Variants in MTAP observed in about 807,000 individuals in gnomAD.
MTAP encodes the protein S-methyl-5'-thioadenosine phosphorylase.
Under a neutral mutation model 33.6 loss-of-function variants are expected in MTAP, and 33 were observed. The ratio of observed to expected loss-of-function variants is 0.98; its 90% CI spans 0.74 to 1.31. The LOEUF is 1.31. Among genes scored for constraint, MTAP ranks in the 40% most tolerant of loss-of-function variants. The pLI is 0.00. For synonymous variants in MTAP, 148 were observed against 125.7 expected (o/e 1.18, Z -1.19); for missense variants, 367 against 360.0 (o/e 1.02, Z -0.16).
exon 8 of MTAP, chr9:21,936,663 G>T (rs1057210345): frequency 6.6e-6 from 1 of 151,896 alleles, no homozygotes; most frequent in Non-Finnish European, 1.5e-5. Flanking sequence ...ATTATAAAAT[G>T]GTATATTTAT....
intron 1 of MTAP, among the ~76,000 whole-genome samples, chr9:21,915,010 TCCTTCCTTCCTTCCTTCCTTCCTTCCTTC>T (rs1818655799): frequency 2.0e-4 from 15 of 74,458 alleles, no homozygotes; most frequent in African/African-American, 1.1e-3. Flanking sequence ...TTTCCTTCCT[TCCTTCCTTCCTTCCTTCCTTCCTTCCTTC>T]CTTCCTTCCT....
intron 1 of MTAP, chr9:21,892,583 A>G (rs1419403847): frequency 6.6e-6 from 1 of 152,250 alleles, no homozygotes; most frequent in African/African-American, 2.4e-5. Context: ...TCCTAAATAT[A>G]TATGCAGCCA....
chr9:21,824,958 T>C (rs1286372692), intron 4 of MTAP, among the ~76,000 whole-genome samples: 3 of 152,084 alleles, frequency 2.0e-5, no homozygotes, highest in African/African-American at 7.2e-5. Flanking sequence ...AAAAGCACAG[T>C]ATTAGGGTGG....
intron 1 of MTAP, among the ~76,000 whole-genome samples, chr9:21,888,016 TA>T (rs1226672426): frequency 2.6e-5 from 4 of 152,208 alleles, no homozygotes; most frequent in African/African-American, 9.6e-5. Context: ...TTGTCAGATC[TA>T]GGAGCTTTTT....
At chr9:21,878,797 T>G (rs1478160827) in intron 1 of MTAP, among the ~76,000 whole-genome samples, 1 of 152,232 alleles carries the variant, frequency 6.6e-6, no homozygotes, top group Admixed American at 6.5e-5. Context: ...GATTTCTGCC[T>G]TAATTTCATT....
chr9:21,823,804 T>C (rs540964270), intron 4 of MTAP, among the ~76,000 whole-genome samples: 52 of 152,312 alleles, frequency 3.4e-4, no homozygotes, highest in Admixed American at 4.6e-4. Context: ...GGAGGCTTCG[T>C]TCATTTCTTT....
At chr9:21,874,847 A>T (rs1587267790) in intron 1 of MTAP, among the ~76,000 whole-genome samples, 1 of 151,878 alleles carries the variant, frequency 6.6e-6, no homozygotes, top group East Asian at 1.9e-4. Context: ...TCCCTCCCCT[A>T]GCCCACACCC....
intron 4 of MTAP, among the ~76,000 whole-genome samples, chr9:21,823,085 T>C (rs1824688561): frequency 6.6e-6 from 1 of 152,212 alleles, no homozygotes; most frequent in African/African-American, 2.4e-5. Context: ...TTTATCCAAT[T>C]TGCCAGTCTG....
intron 1 of MTAP, among the ~76,000 whole-genome samples, chr9:21,917,089 C>G (rs1818704759): frequency 6.6e-6 from 1 of 152,168 alleles, no homozygotes; most frequent in South Asian, 2.1e-4. Context: ...TAATCCAAGA[C>G]TTTTAATCTA....
intron 1 of MTAP, among the ~76,000 whole-genome samples, chr9:21,888,894 G>C (rs1043497813): frequency 6.6e-6 from 1 of 152,260 alleles, no homozygotes; most frequent in Non-Finnish European, 1.5e-5. Context: ...TGAGGCAAAA[G>C]CATCATGTAA....
chr9:21,883,976 A>G (rs1455040828), intron 1 of MTAP, among the ~76,000 whole-genome samples: 1 of 152,124 alleles, frequency 6.6e-6, no homozygotes, highest in Non-Finnish European at 1.5e-5. Flanking sequence ...AAGCTGCAAT[A>G]TTGCAGAGTA....
rs372374033 is a variant in MTAP, at chr9:21,817,984, A to C, written c.180-51A>C. On this transcript the variant is annotated intron_variant, in intron 3 of 7. Coordinates refer to ENST00000644715, the MANE Select transcript of MTAP (RefSeq NM_002451.4). ...TTTTTTCTAGACTCTAGGAGAAAACAGTTGGTGGTGTACTCATCACGGGTT... is the reference window on the plus strand; with the variant it reads ...TTTTTTCTAGACTCTAGGAGAAAACCGTTGGTGGTGTACTCATCACGGGTT... The C allele has an allele frequency of 7.3e-6, 11 of 1,513,784 alleles. No individual in the cohort carries two copies. The African/African-American group carries it at 1.6e-4, about 22-fold the overall frequency. 93.8% of individuals were successfully genotyped at this position (1,513,784 alleles called of 1,614,324 possible).
rs1431855249 is a variant in MTAP at position 21,854,892 on chromosome 9, G to A, written c.690+22G>A. ...AGCAGTAGGTGGAATTCTTTTCTAA[G>A]CACATATAGCATGGGTTTCTGGGTG... On this transcript the variant is annotated intron_variant, in intron 6 of 7. Transcript: ENST00000644715. 3 of 1,612,668 alleles carry A rather than the reference G, an allele frequency of 1.9e-6. No individual in the cohort carries two copies. The African/African-American group carries it at 4.0e-5, about 22-fold the overall frequency.
intron 1 of MTAP, among the ~76,000 whole-genome samples, chr9:21,907,957 T>C (rs988095148): frequency 1.4e-4 from 21 of 152,044 alleles, no homozygotes; most frequent in African/African-American, 4.6e-4. Flanking sequence ...AGAAAAACTA[T>C]AGTACATTCA....
intron 1 of MTAP, among the ~76,000 whole-genome samples, chr9:21,872,878 C>T (rs1027908130): frequency 6.6e-6 from 1 of 152,116 alleles, no homozygotes; most frequent in African/African-American, 2.4e-5. Context: ...AGCACTCCCT[C>T]GGGAGGGAAT....
At chr9:21,868,470 G>A (rs1170918182), downstream of MTAP, among the ~76,000 whole-genome samples, 1 of 152,128 alleles carries the variant, frequency 6.6e-6, no homozygotes, top group Non-Finnish European at 1.5e-5. Context: ...TTGTTTAGGG[G>A]CTGTCATTCT....
At chr9:21,859,540 A>G (rs1386313683) in intron 7 of MTAP, 115 bp downstream of exon 7, 3 of 1,286,106 alleles carry the variant, frequency 2.3e-6, no homozygotes, top group Non-Finnish European at 3.1e-6. Flanking sequence ...GATGTTTTCA[A>G]CAAGTTTTTG....
intron 1 of MTAP, among the ~76,000 whole-genome samples, chr9:21,805,979 G>T (rs747582689): frequency 6.6e-6 from 1 of 152,208 alleles, no homozygotes; most frequent in Non-Finnish European, 1.5e-5. Flanking sequence ...AGTGTGGTAG[G>T]AATGGAAATC....
intron 1 of MTAP, among the ~76,000 whole-genome samples, chr9:21,878,278 A>G (rs1303612101): frequency 1.3e-5 from 2 of 151,996 alleles, no homozygotes; most frequent in Non-Finnish European, 1.5e-5. Context: ...TGGTTTATCA[A>G]TCTGAGTTAT....
Sources: gnomAD v4.1 joint callset for allele counts (sites outside exome capture counted in the v4.1 genomes callset) on GRCh38, gnomAD v4.1.1 for gene constraint, MANE v1.5 for transcripts, NCBI Gene and HGNC (gene_info 2026-07-23, HGNC 2026-07-21) for gene names.